Variants in CNTN4 observed in about 807,000 individuals in gnomAD.
The protein encoded by CNTN4 is contactin-4.
In CNTN4, 77 loss-of-function variants were observed where a neutral mutation model predicts 122.5. That is an observed-to-expected ratio of 0.63 (90% CI 0.52 to 0.76). CNTN4 has a LOEUF of 0.76. CNTN4 is among the 30% of genes least tolerant of loss of function. The pLI, the probability that CNTN4 is intolerant of heterozygous loss-of-function variation, is 0.00. For missense variants in CNTN4, 1,256 were observed against 1,259.1 expected, an observed-to-expected ratio of 1.00 and a Z score of 0.04; for synonymous variants, 512 against 447.0, an observed-to-expected ratio of 1.15 and a Z score of -1.83.
At chr3:2,775,755 T>A (rs1294905644) in intron 6 of CNTN4, among the ~76,000 whole-genome samples, 1 of 152,222 alleles carries the variant, frequency 6.6e-6, no homozygotes. Context: ...TTTAAAACTT[T>A]GCAACAGAGC....
intron 2 of CNTN4, among the ~76,000 whole-genome samples, chr3:2,124,665 A>C (rs781286750): frequency 1.3e-5 from 2 of 151,792 alleles, no homozygotes; most frequent in Non-Finnish European, 1.5e-5. Flanking sequence ...TCCCAGCTAC[A>C]TGGGAGGCTG....
At chr3:2,624,816 T>C (rs58203745) in intron 4 of CNTN4, among the ~76,000 whole-genome samples, 21,800 of 151,478 alleles carry the variant, frequency 0.14, 1,806 homozygotes, top group Admixed American at 0.22. Flanking sequence ...ATTTTTTTAG[T>C]AGAGACAGGA....
intron 3 of CNTN4, among the ~76,000 whole-genome samples, chr3:2,359,191 C>T (rs571151845): frequency 3.9e-5 from 6 of 152,270 alleles, no homozygotes; most frequent in Admixed American, 3.3e-4. Flanking sequence ...CCCAAAGATA[C>T]ATCTGCACCA....
At chr3:2,207,900 G>C (rs1049387451) in intron 2 of CNTN4, among the ~76,000 whole-genome samples, 2 of 152,094 alleles carry the variant, frequency 1.3e-5, no homozygotes, top group Non-Finnish European at 2.9e-5. Flanking sequence ...GTGACTTTAA[G>C]TTGAGGCCAA....
chr3:2,900,172 G>A (rs941556733), intron 10 of CNTN4, among the ~76,000 whole-genome samples: 1 of 152,140 alleles, frequency 6.6e-6, no homozygotes. Context: ...TTTCCAATCA[G>A]TGTGAAGGGA....
chr3:2,617,812 T>G (rs1227064442), intron 4 of CNTN4, among the ~76,000 whole-genome samples: 1 of 152,154 alleles, frequency 6.6e-6, no homozygotes, highest in Admixed American at 6.5e-5. Flanking sequence ...TCTCTATTTC[T>G]TCTCGGTTAT....
intron 2 of CNTN4, among the ~76,000 whole-genome samples, chr3:2,303,958 A>AT (rs1273587100): frequency 1.3e-5 from 2 of 152,060 alleles, no homozygotes; most frequent in African/African-American, 2.4e-5. Context: ...TCACCTTTGG[A>AT]TTTTTCATTT....
chr3:2,490,011 A>G (rs561510505), intron 3 of CNTN4, among the ~76,000 whole-genome samples: 25 of 152,280 alleles, frequency 1.6e-4, no homozygotes, highest in Admixed American at 5.9e-4. Flanking sequence ...AGTCATATGA[A>G]GTCATATATT....
At chr3:2,766,886 T>C (rs1395014740) in intron 6 of CNTN4, among the ~76,000 whole-genome samples, 1 of 152,128 alleles carries the variant, frequency 6.6e-6, no homozygotes, top group East Asian at 1.9e-4. Flanking sequence ...CAACCTAAAC[T>C]GGAAGTTGTG....
chr3:2,384,969 T>C lies in CNTN4; in HGVS notation c.-89+45736T>C, dbSNP rs565333262. Among the ~76,000 whole-genome samples, 7 of 152,292 alleles carry C rather than the reference T, an allele frequency of 4.6e-5. No individual in the cohort carries two copies. The South Asian group carries it at 1.5e-3, about 32-fold the overall frequency. On this transcript the variant is annotated intron_variant, in intron 3 of 24. Transcript: ENST00000418658. ...CTACAGTGGTTGACGTTCAAACTCA[T>C]TTGGCTTGAAAGTCATTGTTGGTTT...
chr3:2,125,562 C>CTTTTT (rs201659840), intron 2 of CNTN4, among the ~76,000 whole-genome samples: 2 of 124,008 alleles, frequency 1.6e-5, no homozygotes, highest in African/African-American at 6.1e-5. Context: ...TTTTCTTTTT[C>CTTTTT]TTTTTTTTTT....
At chr3:2,940,770 T>C (rs1487753588) in intron 13 of CNTN4, among the ~76,000 whole-genome samples, 1 of 152,128 alleles carries the variant, frequency 6.6e-6, no homozygotes, top group Non-Finnish European at 1.5e-5. Flanking sequence ...ATAACATACC[T>C]TTGACCTCAA....
At chr3:2,133,488 T>C (rs1220634122) in intron 2 of CNTN4, among the ~76,000 whole-genome samples, 1 of 152,228 alleles carries the variant, frequency 6.6e-6, no homozygotes, top group Non-Finnish European at 1.5e-5. Flanking sequence ...CACATTCCAA[T>C]GTCAATCTGT....
intron 14 of CNTN4, among the ~76,000 whole-genome samples, chr3:3,001,732 T>G (rs1696067731): frequency 6.6e-6 from 1 of 152,218 alleles, no homozygotes; most frequent in Admixed American, 6.5e-5. Context: ...TCTTGATTAT[T>G]TCCAATTTTT....
intron 4 of CNTN4, among the ~76,000 whole-genome samples, chr3:2,625,275 C>G (rs1375157705): frequency 6.6e-6 from 1 of 152,154 alleles, no homozygotes; most frequent in Non-Finnish European, 1.5e-5. Context: ...GGACCCTGGA[C>G]ATCTTGGGAC....
chr3:2,400,430 T>TGTAC (rs2046809806), intron 3 of CNTN4, among the ~76,000 whole-genome samples: 1 of 68,554 alleles, frequency 1.5e-5, no homozygotes, highest in East Asian at 5.6e-4. Flanking sequence ...TATATATACA[T>TGTAC]ATATATATAT....
chr3:3,053,192 G>T (rs1352270627), intron 23 of CNTN4, among the ~76,000 whole-genome samples: 1 of 152,170 alleles, frequency 6.6e-6, no homozygotes, highest in Non-Finnish European at 1.5e-5. Context: ...GTGCCATCAT[G>T]TCTGGCTAAT....
intron 3 of CNTN4, among the ~76,000 whole-genome samples, chr3:2,513,553 T>TG (rs1423857652): frequency 6.6e-6 from 1 of 152,156 alleles, no homozygotes; most frequent in Non-Finnish European, 1.5e-5. Flanking sequence ...AACGATTGCC[T>TG]TCTGTAGAGG....
At chr3:2,496,010 A>AT (rs1419507723) in intron 3 of CNTN4, among the ~76,000 whole-genome samples, 1 of 152,220 alleles carries the variant, frequency 6.6e-6, no homozygotes, top group Non-Finnish European at 1.5e-5. Flanking sequence ...TGATAGATTT[A>AT]TGCACAAGCG....
Sources: gnomAD v4.1 joint callset for allele counts (sites outside exome capture counted in the v4.1 genomes callset) on GRCh38, gnomAD v4.1.1 for gene constraint, MANE v1.5 for transcripts, NCBI Gene and HGNC (gene_info 2026-07-23, HGNC 2026-07-21) for gene names.